ASTN2: variants seen among roughly 807,000 people sequenced by gnomAD.
ASTN2 encodes astrotactin-2.
Under a neutral mutation model 139.8 loss-of-function variants are expected in ASTN2, and 54 were observed. The observed-to-expected ratio is 0.39, with a 90% CI of 0.31 to 0.48. ASTN2 has a LOEUF of 0.48. Ranked by LOEUF, ASTN2 falls within the 20% of genes least tolerant of loss-of-function variation. ASTN2 has a pLI of 0.95. For synonymous variants in ASTN2, 756 were observed against 719.5 expected (o/e 1.05, Z -0.81); for missense variants, 1,565 against 1,725.1 (o/e 0.91, Z 1.64).
intron 16 of ASTN2, among the ~76,000 whole-genome samples, chr9:116,710,694 T>C (rs573057932): frequency 2.4e-3 from 301 of 125,788 alleles, no homozygotes; most frequent in African/African-American, 7.9e-3. Flanking sequence ...GATCACACCA[T>C]TGCACTCCAG....
In ASTN2 at chr9:117,371,324, C is replaced by T. The variant is rs1829984519; in HGVS notation, c.442+43173G>A. Among the ~76,000 whole-genome samples, 2 of 152,118 alleles carry T rather than the reference C, an allele frequency of 1.3e-5. 1 individual carries two copies. Among genetic ancestry groups the T allele is most frequent in the Admixed American group, 1.3e-4 (2 of 15,248 alleles). On this transcript the variant is annotated intron_variant, in intron 1 of 22. Coordinates refer to ENST00000313400, the MANE Select transcript of ASTN2 (RefSeq NM_001365068.1). ...AGTCAAACTCATCCCAACATAAAAA[C>T]TAAAAGGGTCTATATATTTTTAATA...
intron 2 of ASTN2, among the ~76,000 whole-genome samples, chr9:117,241,347 G>A (rs1221102133): frequency 1.3e-5 from 2 of 152,130 alleles, no homozygotes; most frequent in Non-Finnish European, 2.9e-5. Context: ...AGGTCATTTT[G>A]ACATTTATAT....
At chr9:116,507,955 C>A (rs1349560152) in intron 19 of ASTN2, among the ~76,000 whole-genome samples, 2 of 152,166 alleles carry the variant, frequency 1.3e-5, no homozygotes, top group Non-Finnish European at 2.9e-5. Flanking sequence ...ATGGTGTCAT[C>A]TTGGCTCACC....
intron 12 of ASTN2, among the ~76,000 whole-genome samples, chr9:116,817,481 A>G (rs1334568329): frequency 6.6e-6 from 1 of 152,126 alleles, no homozygotes; most frequent in Non-Finnish European, 1.5e-5. Flanking sequence ...TACAAAGGAG[A>G]AAGAGACAGG....
intron 17 of ASTN2, among the ~76,000 whole-genome samples, chr9:116,626,381 G>A (rs144232691): frequency 0.021 from 3,185 of 151,170 alleles, 50 homozygotes; most frequent in Non-Finnish European, 0.032. Flanking sequence ...CCAAAAATAT[G>A]TTTTAAATAT....
chr9:117,283,765 G>T (rs752363159), intron 2 of ASTN2, among the ~76,000 whole-genome samples: 2 of 152,166 alleles, frequency 1.3e-5, no homozygotes, highest in Non-Finnish European at 2.9e-5. Context: ...GGGAATCACA[G>T]TCTGTAACAG....
intron 13 of ASTN2, among the ~76,000 whole-genome samples, chr9:116,748,834 C>T (rs765650017): frequency 2.6e-5 from 4 of 152,062 alleles, no homozygotes; most frequent in Non-Finnish European, 5.9e-5. Context: ...CAAGTCATTT[C>T]CCATCTCTAG....
At chr9:117,266,960 T>C (rs1450214537) in intron 2 of ASTN2, among the ~76,000 whole-genome samples, 1 of 152,186 alleles carries the variant, frequency 6.6e-6, no homozygotes, top group Non-Finnish European at 1.5e-5. Context: ...AGTAATTTGT[T>C]TCTAAATAAT....
chr9:116,595,605 G>A (rs572612895), intron 19 of ASTN2, among the ~76,000 whole-genome samples: 67 of 152,234 alleles, frequency 4.4e-4, no homozygotes, highest in African/African-American at 1.5e-3. Context: ...GATTATAGGC[G>A]TGAGCCACCG....
intron 19 of ASTN2, among the ~76,000 whole-genome samples, chr9:116,507,943 C>A (rs570543170): frequency 7.2e-4 from 109 of 152,234 alleles, no homozygotes; most frequent in African/African-American, 2.6e-3. Context: ...GGCTGGAGTA[C>A]AATGGTGTCA....
chr9:116,946,576 T>C (rs979873618), intron 10 of ASTN2, among the ~76,000 whole-genome samples: 10 of 152,142 alleles, frequency 6.6e-5, no homozygotes, highest in Admixed American at 1.3e-4. Flanking sequence ...AGATAAAGAA[T>C]GAGGACCATA....
chr9:116,848,459 G>A (rs76311873), intron 11 of ASTN2, among the ~76,000 whole-genome samples: 3,846 of 152,186 alleles, frequency 0.025, 68 homozygotes, highest in Non-Finnish European at 0.035. Flanking sequence ...GCAAACCTAT[G>A]TGGCAAACAC....
intron 10 of ASTN2, among the ~76,000 whole-genome samples, chr9:116,892,434 T>A: frequency 6.6e-6 from 1 of 151,990 alleles, no homozygotes; most frequent in South Asian, 2.1e-4. Flanking sequence ...AGTACTGTGG[T>A]TTGAGGGCTG....
chr9:116,783,146 A>C (rs940827801), intron 13 of ASTN2, among the ~76,000 whole-genome samples: 1 of 152,114 alleles, frequency 6.6e-6, no homozygotes, highest in Admixed American at 6.6e-5. Flanking sequence ...CTGCGTCTCT[A>C]TCACCTCGAA....
chr9:116,677,031 A>C (rs1186639295), intron 16 of ASTN2, among the ~76,000 whole-genome samples: 1 of 152,244 alleles, frequency 6.6e-6, no homozygotes, highest in African/African-American at 2.4e-5. Flanking sequence ...AGGTAATAAG[A>C]GATTTGAAAT....
chr9:117,060,903 G>A (rs1454476205), intron 5 of ASTN2, among the ~76,000 whole-genome samples: 1 of 151,306 alleles, frequency 6.6e-6, no homozygotes, highest in Non-Finnish European at 1.5e-5. Context: ...AAAAAGAAAG[G>A]GAAAAGAAAA....
intron 5 of ASTN2, among the ~76,000 whole-genome samples, chr9:117,041,226 A>G (rs1164805060): frequency 1.3e-5 from 2 of 152,028 alleles, no homozygotes; most frequent in African/African-American, 2.4e-5. Context: ...GGTTTTGCTT[A>G]CCAGTTTTAG....
At chr9:117,041,588 G>T (rs961840315) in intron 5 of ASTN2, among the ~76,000 whole-genome samples, 2 of 152,104 alleles carry the variant, frequency 1.3e-5, no homozygotes, top group African/African-American at 4.8e-5. Context: ...TGTGGGATAA[G>T]GGAGGTGCAC....
intron 16 of ASTN2, among the ~76,000 whole-genome samples, chr9:116,707,776 A>G (rs542308526): frequency 6.6e-6 from 1 of 152,214 alleles, no homozygotes; most frequent in South Asian, 2.1e-4. Context: ...TCAACCCTTC[A>G]TAGCCTTAAT....
Sources: allele counts gnomAD v4.1 joint callset (sites outside exome capture counted in the v4.1 genomes callset), GRCh38; gene constraint gnomAD v4.1.1; transcripts MANE v1.5; gene names NCBI Gene and HGNC (gene_info 2026-07-23, HGNC 2026-07-21).